The following UPF1 variants were observed in gnomAD, a reference collection of about 807,000 sequenced individuals.
The protein encoded by UPF1 is UPF1 RNA helicase and ATPase.
A neutral mutation model predicts 129.2 loss-of-function variants in UPF1; 9 were observed. That is an observed-to-expected ratio of 0.07 (90% CI 0.04 to 0.12). The LOEUF (loss-of-function observed/expected upper bound fraction) is 0.12. Ranked by LOEUF, UPF1 falls within the 10% of genes least tolerant of loss-of-function variation. The pLI is 1.00. For synonymous variants in UPF1, 649 were observed against 644.9 expected (o/e 1.01, Z -0.10); for missense variants, 788 against 1,525.3 (o/e 0.52, Z 8.05).
rs1601140241 is a variant in UPF1, at chr19:18,868,206, ATATT to A, written c.*1690_*1693del. 11 of 248,890 alleles carry A rather than the reference ATATT, an allele frequency of 4.4e-5. No homozygotes were observed. In the East Asian group the frequency reaches 1.1e-3, roughly 24 times the overall value. 15.4% of individuals were successfully genotyped at this position (248,890 alleles called of 1,614,324 possible). On this transcript the variant is annotated 3_prime_UTR_variant, in exon 24 of 24. Coordinates refer to ENST00000262803, the MANE Select transcript of UPF1 (RefSeq NM_002911.4). The stretch of plus-strand genomic sequence containing the variant: ...TCAATTTAAGTTCTTTTGTCACCAA[ATATT>A]AATAAACAGTTTTGACTTCACACCA...
chr19:18,864,114 G>C, intron 19 of UPF1, 56 bp from the exon 20 acceptor site: 2 of 1,539,758 alleles, frequency 1.3e-6, no homozygotes, highest in Non-Finnish European at 1.8e-6. Flanking sequence ...CGGGCCCGTG[G>C]GAAGTTGTTC....
chr19:18,858,149 G>A (rs910779974), intron 15 of UPF1, among the ~76,000 whole-genome samples: 3 of 152,196 alleles, frequency 2.0e-5, no homozygotes, highest in African/African-American at 7.2e-5. Context: ...TGGGTATGCC[G>A]GCGCTTGAAG....
rs2055659319 is a variant in UPF1, at chr19:18,851,592, C to T, written c.811-543C>T. 6.6e-6 allele frequency among the ~76,000 whole-genome samples: 1 copy of T among 152,222 alleles called. No homozygotes were observed. The stretch of plus-strand genomic sequence containing the variant: ...GAACAGCCCAGAAAATGTCCTGTCC[C>T]CACCAGCATGGCACTCACTGAGGGA... On this transcript the variant is annotated intron_variant, in intron 5 of 23. Transcript: ENST00000262803. This position sits in a 1 kb window ranked among gnomAD's most constrained non-coding sequence, Gnocchi z 4.2.
At chr19:18,860,680 G>T (rs2055768745) in intron 16 of UPF1, 146 bp from the exon 17 acceptor site, 1 of 1,220,998 alleles carries the variant, frequency 8.2e-7, no homozygotes, top group African/African-American at 1.5e-5. Flanking sequence ...CTCCCCTGGT[G>T]AAGGCTGGGG....
At position 18,865,604 on chromosome 19, in the gene UPF1, G is replaced by T. The variant is rs2055834273; in HGVS notation, c.3063G>T (p.Gln1021His). 7 of 1,613,756 alleles carry T rather than the reference G, an allele frequency of 4.3e-6. No homozygotes were observed. The South Asian group carries it at 7.7e-5, about 18-fold the overall frequency. ...PKGKTGRGGR[Q>H]KNRFGLPGPS... The stretch of plus-strand genomic sequence containing the variant: ...GCAAGACTGGTCGTGGGGGACGCCA[G>T]AAGAACCGCTTTGGGCTTCCTGGAC... Residue 1021 changes from glutamine (Q) to histidine (H), a missense_variant, in exon 22 of 24, where the codon CAG becomes CAT. Transcript: ENST00000262803. The surrounding 1 kb of genome is among the most constrained non-coding windows in gnomAD (Gnocchi z 6.1).
chr19:18,838,387 G>A (rs2055505452), intron 1 of UPF1, among the ~76,000 whole-genome samples: 2 of 152,110 alleles, frequency 1.3e-5, no homozygotes, highest in Admixed American at 6.5e-5. Context: ...GGTGGCTCAC[G>A]CCTGTAATCT....
chr19:18,833,647 C>CT (rs1464877035), intron 1 of UPF1, among the ~76,000 whole-genome samples: 1 of 152,062 alleles, frequency 6.6e-6, no homozygotes, highest in African/African-American at 2.4e-5. Flanking sequence ...TCACCTTAGG[C>CT]TTGCTTTGTG....
In UPF1 at chr19:18,832,262, C is replaced by A; in HGVS notation, c.53C>A (p.Thr18Lys). 6.4e-7 allele frequency: 1 copy of A among 1,552,918 alleles called. No homozygotes were observed. The highest frequency in any genetic ancestry group is 1.2e-5 in the South Asian group (1 of 86,456). ...PSSQTLTFLD[T>K]EEAELLGADT... ...TCGCAGACTCTCACTTTCCTGGACACGGAGGAGGCCGAGCTGCTTGGCGCC... is the reference window on the plus strand; with the variant it reads ...TCGCAGACTCTCACTTTCCTGGACAAGGAGGAGGCCGAGCTGCTTGGCGCC... The change falls in exon 1 of 24, where the codon ACG becomes AAG. Residue 18 changes from threonine (T) to lysine (K), a missense_variant. Physicochemically the swap from Thr to Lys is moderately conservative, Grantham distance 78. Coordinates refer to ENST00000262803, the MANE Select transcript of UPF1 (RefSeq NM_002911.4). The surrounding 1 kb of genome is among the most constrained non-coding windows in gnomAD (Gnocchi z 5.6).
intron 17 of UPF1, 149 bp downstream of exon 17, chr19:18,861,131 C>T: frequency 4.9e-6 from 5 of 1,011,604 alleles, no homozygotes; most frequent in Non-Finnish European, 5.6e-6. Flanking sequence ...CTGGGGAGGG[C>T]ACAGACAGCA....
At chr19:18,842,400 A>G (rs891563555) in intron 1 of UPF1, among the ~76,000 whole-genome samples, 1 of 152,022 alleles carries the variant, frequency 6.6e-6, no homozygotes, top group African/African-American at 2.4e-5. Context: ...GGGGCCGGCC[A>G]CTCTGAAATG....
At chr19:18,836,395 C>T (rs2055483594) in intron 1 of UPF1, among the ~76,000 whole-genome samples, 1 of 152,204 alleles carries the variant, frequency 6.6e-6, no homozygotes, top group Non-Finnish European at 1.5e-5. Flanking sequence ...TTGATACCTG[C>T]AACAACATGG....
rs1470294883 is a variant in UPF1 at position 18,852,081 on chromosome 19, A to AT, written c.811-51dup. 10 of 1,532,626 alleles carry AT rather than the reference A, an allele frequency of 6.5e-6. No individual in the cohort carries two copies. In the East Asian group the frequency reaches 1.2e-4, roughly 19 times the overall value. The allele number at this position is 1,532,626 out of a possible 1,614,324, so 94.9% of individuals were successfully genotyped here. On this transcript the variant is annotated intron_variant, in intron 5 of 23. Coordinates refer to ENST00000262803, the MANE Select transcript of UPF1 (RefSeq NM_002911.4). ...CTCTGGTGCCTCTGCGCCCTCGTTC[A>AT]TTTGCATGTAGGGAAAAACAGGACG...
intron 1 of UPF1, among the ~76,000 whole-genome samples, chr19:18,837,297 C>A (rs2055493717): frequency 6.6e-6 from 1 of 152,124 alleles, no homozygotes; most frequent in South Asian, 2.1e-4. Context: ...CCATGTTACC[C>A]AGGCTGGTCT....
chr19:18,838,026 G>C (rs2055501653), intron 1 of UPF1, among the ~76,000 whole-genome samples: 1 of 152,208 alleles, frequency 6.6e-6, no homozygotes, highest in African/African-American at 2.4e-5. Context: ...AAAATACTCA[G>C]GATAGAAAGT....
chr19:18,863,278 T>C, intron 18 of UPF1, 160 bp from the exon 19 acceptor site: 2 of 935,388 alleles, frequency 2.1e-6, no homozygotes, highest in South Asian at 1.7e-5. Context: ...GGCATTGGGC[T>C]TTGGGGCCTG....
chr19:18,861,892 C>T (rs775842742), intron 17 of UPF1, 118 bp from the exon 18 acceptor site: 17 of 1,380,292 alleles, frequency 1.2e-5, no homozygotes, highest in East Asian at 7.4e-5. Flanking sequence ...GGTGAGCAGG[C>T]GCCAGGCCCC....
rs369257817 is a variant in UPF1 at position 18,866,206 on chromosome 19, C to G, written c.*3+40C>G. ...AGCAGGCCTGGCCCCACCCCAGCCT[C>G]AAGGAGAAGGATGGGAGGGGGCTCT... On this transcript the variant is annotated intron_variant, in intron 23 of 23. Transcript: ENST00000262803. 3.0e-4 allele frequency: 462 copies of G among 1,525,686 alleles called. 1 individual carries two copies. Among genetic ancestry groups the G allele is most frequent in the Non-Finnish European group, 2.7e-4 (306 of 1,138,218 alleles). The allele number at this position is 1,525,686 out of a possible 1,614,324, so 94.5% of individuals were successfully genotyped here. A position where few individuals can be genotyped will look rare whatever the true frequency, so the allele number is the denominator to read the frequency against.
Position 18,850,022 on chromosome 19 carries a change from G to A in UPF1, c.462-53G>A. 1 of 1,610,412 alleles carries A rather than the reference G, an allele frequency of 6.2e-7. No individual in the cohort carries two copies. Among genetic ancestry groups the A allele is most frequent in the East Asian group, 2.2e-5 (1 of 44,834 alleles). On this transcript the variant is annotated intron_variant, in intron 3 of 23. Coordinates refer to ENST00000262803, the MANE Select transcript of UPF1 (RefSeq NM_002911.4). The surrounding 1 kb of genome is among the most constrained non-coding windows in gnomAD (Gnocchi z 7.1). ...TTTAACAGGGGCCCGAAAATTGGAA[G>A]TGGTGAAAAGCCAAATTTTGGGTGT...
intron 13 of UPF1, among the ~76,000 whole-genome samples, 192 bp from the exon 14 acceptor site, chr19:18,856,685 C>T (rs192052739): frequency 1.6e-4 from 25 of 152,310 alleles, no homozygotes; most frequent in Middle Eastern, 3.4e-3. Flanking sequence ...GAAACATGAC[C>T]GTTTAAGGAT....
Sources: allele counts gnomAD v4.1 joint callset (sites outside exome capture counted in the v4.1 genomes callset), GRCh38; gene constraint gnomAD v4.1.1; non-coding constraint Gnocchi (gnomAD v3.1); transcripts MANE v1.5; gene names NCBI Gene and HGNC (gene_info 2026-07-23, HGNC 2026-07-21).